The following GRHL2 variants were observed in gnomAD, a reference collection of about 807,000 sequenced individuals.
GRHL2 encodes grainyhead like transcription factor 2, also known as grainyhead-like protein 2 homolog.
GRHL2 carries 21 observed loss-of-function variants against 83.8 expected under a neutral mutation model. The observed-to-expected ratio is 0.25, with a 90% confidence interval of 0.18 to 0.36. The LOEUF is 0.36. GRHL2 is among the 10% of genes least tolerant of loss of function. The probability of loss-of-function intolerance (pLI) is 1.00; values close to 1 mark genes in which losing one functional copy is unlikely to be tolerated. For synonymous variants in GRHL2, 280 were observed against 278.9 expected (o/e 1.00, Z -0.04); for missense variants, 623 against 781.8 (o/e 0.80, Z 2.42).
intron 9 of GRHL2, among the ~76,000 whole-genome samples, chr8:101,624,602 C>A (rs1250682358): frequency 1.3e-5 from 2 of 151,420 alleles, no homozygotes; most frequent in African/African-American, 4.9e-5. Context: ...CACAGTAGGA[C>A]AGTACACAGG....
At chr8:101,677,832 T>C in the GRHL2 span, among the ~76,000 whole-genome samples, 821 of 152,148 alleles carry the variant, frequency 5.4e-3, 13 homozygotes, top group African/African-American at 0.018. Context: ...AGGACCTAAG[T>C]CCTGGACATG....
intron 2 of GRHL2, among the ~76,000 whole-genome samples, chr8:101,549,634 G>C (rs1209606994): frequency 1.3e-5 from 2 of 152,154 alleles, no homozygotes; most frequent in African/African-American, 4.8e-5. Flanking sequence ...AACAAAAGAA[G>C]TAAATCATCT....
chr8:101,647,775 C>A (rs1215589529), intron 13 of GRHL2, among the ~76,000 whole-genome samples: 1 of 150,982 alleles, frequency 6.6e-6, no homozygotes, highest in Non-Finnish European at 1.5e-5. Context: ...ACTAACTGAA[C>A]ATCCACTGGC....
At chr8:101,640,861 C>G (rs1236993265) in intron 12 of GRHL2, among the ~76,000 whole-genome samples, 3 of 152,182 alleles carry the variant, frequency 2.0e-5, no homozygotes, top group African/African-American at 7.2e-5. Context: ...CTCTCCAAGA[C>G]TTTATTTTCT....
Position 101,666,794 on chromosome 8 carries a change from T to C in GRHL2, c.*91T>C. On this transcript the variant is annotated 3_prime_UTR_variant, in exon 16 of 16. Coordinates refer to ENST00000646743, the MANE Select transcript of GRHL2 (RefSeq NM_024915.4). Reference sequence around the variant, plus strand: ...CCCAGCCCCAGAACCTGGAGACCCATCTCCCCCATCTCACAACTGCTGTTA... The same window carrying C: ...CCCAGCCCCAGAACCTGGAGACCCACCTCCCCCATCTCACAACTGCTGTTA... The C allele has an allele frequency of 1.3e-6, 1 of 784,426 alleles. No individual in the cohort carries two copies. Among genetic ancestry groups the C allele is most frequent in the South Asian group, 1.4e-5 (1 of 70,170 alleles). The allele number at this position is 784,426 out of a possible 1,614,324, so 48.6% of individuals were successfully genotyped here.
At chr8:101,673,177 G>T (rs373259203), downstream of GRHL2, among the ~76,000 whole-genome samples, 7,713 of 151,012 alleles carry the variant, frequency 0.051, 191 homozygotes, top group Middle Eastern at 0.12. Context: ...AACATCATAA[G>T]GACAGGATCA....
chr8:101,652,374 A>G (rs1228240543), intron 14 of GRHL2, among the ~76,000 whole-genome samples: 7,692 of 89,332 alleles, frequency 0.086, 1,767 homozygotes, highest in African/African-American at 0.18. Context: ...TGTGTGTCTG[A>G]TGTGTGTGTG....
chr8:101,567,391 A>G (rs1299373289), intron 4 of GRHL2, among the ~76,000 whole-genome samples: 2 of 152,204 alleles, frequency 1.3e-5, no homozygotes, highest in African/African-American at 4.8e-5. Flanking sequence ...TGGAAACTTG[A>G]TAACTGTAGC....
At chr8:101,586,368 T>G (rs1482025399) in intron 7 of GRHL2, among the ~76,000 whole-genome samples, 1 of 152,166 alleles carries the variant, frequency 6.6e-6, no homozygotes, top group African/African-American at 2.4e-5. Flanking sequence ...TTTTCCTACT[T>G]ACTTCCAACC....
chr8:101,609,362 A>T (rs1364773206), intron 8 of GRHL2, among the ~76,000 whole-genome samples: 1 of 150,884 alleles, frequency 6.6e-6, no homozygotes, highest in Non-Finnish European at 1.5e-5. Flanking sequence ...CTCCCAACCC[A>T]GGTCCACTGA....
intron 7 of GRHL2, among the ~76,000 whole-genome samples, chr8:101,587,428 G>A (rs542421356): frequency 1.3e-5 from 2 of 152,136 alleles, no homozygotes; most frequent in Admixed American, 6.5e-5. Context: ...ATACTCACAC[G>A]CACAGATAAC....
At chr8:101,568,088 A>G (rs1405557254) in intron 4 of GRHL2, among the ~76,000 whole-genome samples, 1 of 152,222 alleles carries the variant, frequency 6.6e-6, no homozygotes, top group African/African-American at 2.4e-5. Flanking sequence ...TTCTGCAATG[A>G]TGGAAATTTT....
intron 4 of GRHL2, among the ~76,000 whole-genome samples, chr8:101,564,087 G>A (rs1267514887): frequency 6.6e-6 from 1 of 152,170 alleles, no homozygotes; most frequent in African/African-American, 2.4e-5. Context: ...TGAAGTAGAT[G>A]AGAAAGTAAA....
chr8:101,657,789 G>A (rs914848343), intron 14 of GRHL2, among the ~76,000 whole-genome samples: 4 of 149,454 alleles, frequency 2.7e-5, no homozygotes, highest in Admixed American at 1.3e-4. Flanking sequence ...GCAGTGAGCG[G>A]AGATCCCGCC....
At position 101,573,800 on chromosome 8, in the gene GRHL2, C is replaced by G; in HGVS notation, c.867C>G (p.Phe289Leu). The G allele has an allele frequency of 6.2e-7, 1 of 1,614,194 alleles. No individual in the cohort carries two copies. The highest frequency in any genetic ancestry group is 1.1e-5 in the South Asian group (1 of 91,070). Residue 289 changes from phenylalanine (F) to leucine (L), a missense_variant, in exon 6 of 16, where the codon TTC becomes TTG. Coordinates refer to ENST00000646743, the MANE Select transcript of GRHL2 (RefSeq NM_024915.4). ...GCGAGACCGGAGACAACAAATGCTT[C>G]CGACACCCCATCAGCAAAGTCAGGG... Reference protein sequence around the residue: ...TLSETGDNKCFRHPISKVRSV... With the variant: ...TLSETGDNKCLRHPISKVRSV...
At chr8:101,605,401 G>T (rs1411759488) in intron 8 of GRHL2, among the ~76,000 whole-genome samples, 1 of 152,190 alleles carries the variant, frequency 6.6e-6, no homozygotes, top group Non-Finnish European at 1.5e-5. Flanking sequence ...CCAATAGAGA[G>T]AAATCTGATT....
At chr8:101,577,244 C>G (rs564298480) in intron 6 of GRHL2, among the ~76,000 whole-genome samples, 164 bp from the exon 7 acceptor site, 2 of 151,968 alleles carry the variant, frequency 1.3e-5, no homozygotes, top group African/African-American at 4.8e-5. Context: ...TAAGTAGGTC[C>G]ATTTTATAAC....
intron 6 of GRHL2, 97 bp downstream of exon 6, chr8:101,573,921 C>A: frequency 7.5e-7 from 1 of 1,341,710 alleles, no homozygotes; most frequent in East Asian, 2.3e-5. Flanking sequence ...AAAATAAAAC[C>A]TTCAACATAA....
intron 1 of GRHL2, among the ~76,000 whole-genome samples, chr8:101,537,495 T>A (rs747869995): frequency 2.6e-5 from 4 of 152,018 alleles, no homozygotes; most frequent in Non-Finnish European, 4.4e-5. Flanking sequence ...CTGAAAACAG[T>A]CCATTGGACT....
Sources: allele counts gnomAD v4.1 joint callset (sites outside exome capture counted in the v4.1 genomes callset), GRCh38; gene constraint gnomAD v4.1.1; transcripts MANE v1.5; gene names NCBI Gene and HGNC (gene_info 2026-07-23, HGNC 2026-07-21).